The following EVA1C variants were observed in gnomAD, a reference collection of about 807,000 sequenced individuals.
EVA1C encodes the protein eva-1 homolog C, also known as protein eva-1 homolog C.
In EVA1C, 25 loss-of-function variants were observed where a neutral mutation model predicts 45.4. The observed-to-expected ratio is 0.55, with a 90% confidence interval of 0.40 to 0.77. The LOEUF is 0.77. Among genes scored for constraint, EVA1C ranks in the 30% least tolerant of loss-of-function variants. The probability of loss-of-function intolerance (pLI) is 0.00; values close to 1 mark genes in which losing one functional copy is unlikely to be tolerated. For missense variants in EVA1C, 479 were observed against 554.8 expected (o/e 0.86, Z 1.37); for synonymous variants, 190 against 221.2 (o/e 0.86, Z 1.25).
intron 4 of EVA1C, among the ~76,000 whole-genome samples, chr21:32,470,303 A>G (rs2036322534): frequency 6.6e-6 from 1 of 152,222 alleles, no homozygotes; most frequent in African/African-American, 2.4e-5. Flanking sequence ...GTGCCTCCCA[A>G]ATGCGAAGCC....
intron 1 of EVA1C, chr21:32,433,119 A>T (rs1349455866): frequency 6.6e-6 from 1 of 152,082 alleles, no homozygotes; most frequent in African/African-American, 2.4e-5. Context: ...ACTTCTGGTA[A>T]CTCCTGCTGT....
intron 4 of EVA1C, among the ~76,000 whole-genome samples, chr21:32,470,764 C>CTTT (rs142166965): frequency 2.0e-5 from 3 of 146,406 alleles, no homozygotes; most frequent in Admixed American, 6.8e-5. Flanking sequence ...CTTTTTCTTT[C>CTTT]TTTTTTTTTT....
At chr21:32,445,598 A>G (rs2035334877) in intron 1 of EVA1C, among the ~76,000 whole-genome samples, 1 of 152,172 alleles carries the variant, frequency 6.6e-6, no homozygotes, top group Admixed American at 6.5e-5. Flanking sequence ...TCACTGGATT[A>G]TTTGAATATT....
chr21:32,418,774 A>T (rs1390775792), intron 1 of EVA1C, among the ~76,000 whole-genome samples: 2 of 152,030 alleles, frequency 1.3e-5, no homozygotes, highest in Non-Finnish European at 2.9e-5. Context: ...AAGTACCACA[A>T]TTTGCCTAAC....
chr21:32,467,911 T>TATAG, intron 4 of EVA1C, 63 bp downstream of exon 4: 9 of 1,033,414 alleles, frequency 8.7e-6, no homozygotes, highest in Non-Finnish European at 1.0e-5. Flanking sequence ...ATAGAATATA[T>TATAG]ATATATATAT....
At chr21:32,506,772 A>G (rs1163454407) in intron 7 of EVA1C, among the ~76,000 whole-genome samples, 1 of 152,192 alleles carries the variant, frequency 6.6e-6, no homozygotes, top group Non-Finnish European at 1.5e-5. Context: ...AGTGGCCACC[A>G]GCCAATGTCA....
chr21:32,473,273 T>C (rs1451645456), intron 4 of EVA1C, among the ~76,000 whole-genome samples: 2 of 152,220 alleles, frequency 1.3e-5, no homozygotes, highest in Non-Finnish European at 2.9e-5. Context: ...TTCAGTTGGA[T>C]GCTGTGCTCT....
At chr21:32,425,352 A>AT (rs2034451506) in intron 1 of EVA1C, among the ~76,000 whole-genome samples, 1 of 151,076 alleles carries the variant, frequency 6.6e-6, no homozygotes, top group South Asian at 2.1e-4. Flanking sequence ...AAAAAAAAAA[A>AT]AAAGAGTATT....
chr21:32,439,087 A>C (rs111307218), intron 1 of EVA1C, among the ~76,000 whole-genome samples: 2,763 of 151,470 alleles, frequency 0.018, 87 homozygotes, highest in African/African-American at 0.063. Flanking sequence ...AATACAAAAA[A>C]AAATTAGCCA....
At chr21:32,435,385 C>T (rs1319903489) in intron 1 of EVA1C, among the ~76,000 whole-genome samples, 2 of 152,204 alleles carry the variant, frequency 1.3e-5, no homozygotes, top group East Asian at 1.9e-4. Context: ...CTGCCTTCCC[C>T]AGCATCCCTG....
In EVA1C at chr21:32,452,953, G is replaced by T; in HGVS notation, c.161-359G>T. On this transcript the variant is annotated intron_variant, in intron 1 of 7. Transcript: ENST00000300255. The surrounding 1 kb of genome is among the most constrained non-coding windows in gnomAD (Gnocchi z 4.0). ...TTTATGGGCACAGGATGGGGGTCAT[G>T]GCAGGCCAGAGTAGTCTTGGAAAAT... The T allele has an allele frequency of 5.4e-6, 1 of 186,490 alleles. No individual in the cohort carries two copies. The highest frequency in any genetic ancestry group is 1.1e-5 in the Non-Finnish European group (1 of 90,008). 11.6% of individuals were successfully genotyped at this position (186,490 alleles called of 1,614,324 possible).
In EVA1C at chr21:32,470,915, T is replaced by A. The variant is rs374098656; in HGVS notation, c.634+3067T>A. 5.9e-5 allele frequency among the ~76,000 whole-genome samples: 9 copies of A among 152,000 alleles called. No individual in the cohort carries two copies. In the East Asian group the frequency reaches 1.6e-3, roughly 26 times the overall value. ...CTGGGATTACAGGCGCCCGCCACCA[T>A]GCCTGGCTGATTTTTGTATTTTTAG... On this transcript the variant is annotated intron_variant, in intron 4 of 7. Transcript: ENST00000300255.
chr21:32,491,846 C>T (rs1019343248), intron 4 of EVA1C, among the ~76,000 whole-genome samples: 2 of 151,928 alleles, frequency 1.3e-5, no homozygotes, highest in African/African-American at 2.4e-5. Flanking sequence ...TAGGTGCAGA[C>T]GTGTGGAGTC....
intron 4 of EVA1C, among the ~76,000 whole-genome samples, chr21:32,482,649 A>G (rs2036827803): frequency 6.6e-6 from 1 of 152,144 alleles, no homozygotes. Flanking sequence ...TGAGACCCAC[A>G]TGCCTCGAAC....
chr21:32,430,501 G>C (rs2034656832), intron 1 of EVA1C, among the ~76,000 whole-genome samples: 2 of 152,136 alleles, frequency 1.3e-5, no homozygotes, highest in Non-Finnish European at 2.9e-5. Context: ...TTCTCACTCT[G>C]CTAATAAAGA....
intron 1 of EVA1C, among the ~76,000 whole-genome samples, chr21:32,445,743 T>A (rs748790586): frequency 6.6e-6 from 1 of 152,214 alleles, no homozygotes; most frequent in East Asian, 1.9e-4. Flanking sequence ...ATTCAAAAAA[T>A]GAAAACCTAA....
intron 1 of EVA1C, among the ~76,000 whole-genome samples, chr21:32,424,027 A>C (rs1401983146): frequency 6.6e-6 from 1 of 152,246 alleles, no homozygotes; most frequent in East Asian, 1.9e-4. Flanking sequence ...GTCTGTCAGC[A>C]TTCCTTTGAT....
intron 1 of EVA1C, among the ~76,000 whole-genome samples, chr21:32,439,101 G>T (rs1317282806): frequency 6.6e-6 from 1 of 151,418 alleles, no homozygotes; most frequent in East Asian, 1.9e-4. Context: ...TTAGCCAGGC[G>T]TGGTGGCCCA....
Position 32,412,839 on chromosome 21 carries a change from G to T in EVA1C, c.-15G>T. Reference sequence around the variant, plus strand: ...CGTCCCGGGCCTGCGCCTCCGCCCCGCCGCGCAGCGCACGATGCTTCTGCC... The same window carrying T: ...CGTCCCGGGCCTGCGCCTCCGCCCCTCCGCGCAGCGCACGATGCTTCTGCC... On this transcript the variant is annotated 5_prime_UTR_variant, in exon 1 of 8. Coordinates refer to ENST00000300255, the MANE Select transcript of EVA1C (RefSeq NM_058187.5). 1 of 1,425,284 alleles carries T rather than the reference G, an allele frequency of 7.0e-7. No individual in the cohort carries two copies. The highest frequency in any genetic ancestry group is 3.0e-5 in the Admixed American group (1 of 33,676). The allele number at this position is 1,425,284 out of a possible 1,614,324, so 88.3% of individuals were successfully genotyped here.
Sources: gnomAD v4.1 joint callset for allele counts (sites outside exome capture counted in the v4.1 genomes callset) on GRCh38, gnomAD v4.1.1 for gene constraint, Gnocchi (gnomAD v3.1) non-coding constraint, MANE v1.5 for transcripts, NCBI Gene and HGNC (gene_info 2026-07-23, HGNC 2026-07-21) for gene names.